Variants in DPEP1 observed in about 807,000 individuals in gnomAD.
DPEP1 encodes the protein beta-lactamase.
Under a neutral mutation model 42.3 loss-of-function variants are expected in DPEP1, and 50 were observed. That is an observed-to-expected ratio of 1.18 (90% confidence interval 0.94 to 1.50). DPEP1 has a LOEUF of 1.50. Ranked by LOEUF, DPEP1 falls within the 40% of genes most tolerant of loss-of-function variation. DPEP1 has a pLI of 0.00. For synonymous variants in DPEP1, 297 were observed against 234.0 expected, an observed-to-expected ratio of 1.27 and a Z score of -2.46; for missense variants, 663 against 553.0, an observed-to-expected ratio of 1.20 and a Z score of -1.99.
chr16:89,616,189 G>A (rs2059377932), intron 1 of DPEP1, among the ~76,000 whole-genome samples: 1 of 152,084 alleles, frequency 6.6e-6, no homozygotes, highest in African/African-American at 2.4e-5. Flanking sequence ...GGTGGGTGGG[G>A]GAGTCAGTGC....
Position 89,636,868 on chromosome 16 carries a change from C to T in DPEP1, c.524C>T (p.Ala175Val). ...GCACCTGCCTTTTGCTTCTCCAGGG[C>T]TGACAACTGGCTGGTGGACACGGGA... is the stretch of plus-strand genomic sequence containing the variant. The part of the protein sequence containing the change: ...TLTHSCNTPW[A>V]DNWLVDTGDS... Residue 175 changes from alanine (A) to valine (V), a missense_variant and splice_region_variant, in exon 6 of 11, where the codon GCT (alanine) becomes GTT (valine). Transcript: ENST00000690203. The T allele has an allele frequency of 6.2e-7, 1 of 1,612,554 alleles. No individual in the cohort carries two copies. Among genetic ancestry groups the T allele is most frequent in the Non-Finnish European group, 8.5e-7 (1 of 1,179,920 alleles).
chr16:89,638,499 T>C, downstream of DPEP1: 3 of 1,261,578 alleles, frequency 2.4e-6, no homozygotes, highest in Non-Finnish European at 3.0e-6. Context: ...TGGCTCCTGG[T>C]TGGACGTGGG....
chr16:89,628,595 C>G (rs1216732246), intron 1 of DPEP1, among the ~76,000 whole-genome samples: 1 of 151,898 alleles, frequency 6.6e-6, no homozygotes, highest in African/African-American at 2.4e-5. Context: ...TGAAAATGGA[C>G]AAATACAGTG....
chr16:89,626,300 G>C (rs529027627), intron 1 of DPEP1, among the ~76,000 whole-genome samples: 1 of 152,154 alleles, frequency 6.6e-6, no homozygotes, highest in African/African-American at 2.4e-5. Context: ...CCATGTTCTC[G>C]TGGTAGCGAG....
chr16:89,624,099 C>A (rs1336370180), intron 1 of DPEP1, among the ~76,000 whole-genome samples: 1 of 152,052 alleles, frequency 6.6e-6, no homozygotes, highest in Admixed American at 6.6e-5. Flanking sequence ...AGAATAAAGA[C>A]AGACAGGAGG....
Position 89,636,538 on chromosome 16 carries a change from C to T in DPEP1, c.376C>T (p.Arg126Trp), listed in dbSNP as rs139374129. 102 of 1,612,102 alleles carry T rather than the reference C, an allele frequency of 6.3e-5. No homozygotes were observed. The highest frequency in any genetic ancestry group is 1.2e-4 in the Admixed American group (7 of 60,002). The change falls in exon 5 of 11, where the codon CGG becomes TGG. Residue 126 changes from arginine (R) to tryptophan (W), a missense_variant. Arg to Trp is a moderately radical substitution (Grantham distance 101, BLOSUM62 -3). Transcript: ENST00000690203. ...FLYVTSSAGI[R>W]QAFREGKVAS... is the part of the protein sequence containing the mutation. The stretch of plus-strand genomic sequence containing the variant: ...CACCCTGACTCTCCCCGCAGGCATT[C>T]GGCAGGCCTTCCGGGAAGGGAAGGT...
chr16:89,622,588 A>G (rs549785982), intron 1 of DPEP1, among the ~76,000 whole-genome samples: 3 of 152,260 alleles, frequency 2.0e-5, no homozygotes, highest in African/African-American at 7.2e-5. Flanking sequence ...GTTCAAGACC[A>G]TCCTGGCCAA....
chr16:89,618,814 C>A (rs2059407496), intron 1 of DPEP1, among the ~76,000 whole-genome samples: 1 of 151,974 alleles, frequency 6.6e-6, no homozygotes, highest in South Asian at 2.1e-4. Flanking sequence ...TTTATTTTCA[C>A]CAGAACGGTA....
chr16:89,624,021 C>G (rs537774736), intron 1 of DPEP1, among the ~76,000 whole-genome samples: 1 of 152,120 alleles, frequency 6.6e-6, no homozygotes, highest in Non-Finnish European at 1.5e-5. Flanking sequence ...GACTGTGGTG[C>G]GGTCACCTCC....
Position 89,637,452 on chromosome 16 carries a change from C to G in DPEP1, c.769-16C>G. The G allele has an allele frequency of 6.2e-7, 1 of 1,612,858 alleles. No homozygotes were observed. The highest frequency in any genetic ancestry group is 1.3e-5 in the African/African-American group (1 of 75,076). On this transcript the variant is annotated splice_polypyrimidine_tract_variant and intron_variant, in intron 7 of 10. Transcript: ENST00000690203. ...CTCCCAGCTCTCAGCTTCACCCTGT[C>G]TTCCTTCTTGTGCAGAAACAGACAG... is the stretch of plus-strand genomic sequence containing the variant.
chr16:89,636,360 T>A lies in DPEP1; in HGVS notation c.334T>A (p.Tyr112Asn), dbSNP rs146843391. 103 of 1,612,626 alleles carry A rather than the reference T, an allele frequency of 6.4e-5. No individual in the cohort carries two copies. In the African/African-American group the frequency reaches 1.1e-3, roughly 17 times the overall value. ...MDVVHRMCRM[Y>N]PETFLYVTSS... The stretch of plus-strand genomic sequence containing the variant: ...CGTGGTCCACCGCATGTGCCGGATG[T>A]ACCCGGAGACCTTCCTGTATGTCAC... The change falls in exon 4 of 11, where the codon TAC becomes AAC. Residue 112 changes from tyrosine to asparagine, a missense_variant. Transcript: ENST00000690203.
Position 89,630,359 on chromosome 16 carries a change from CAGCACAGAGGCACCAG to C in DPEP1, c.-51_-36del, listed in dbSNP as rs2059568004. 6 of 1,504,430 alleles carry C rather than the reference CAGCACAGAGGCACCAG, an allele frequency of 4.0e-6. No homozygotes were observed. The highest frequency in any genetic ancestry group is 3.7e-6 in the Non-Finnish European group (4 of 1,089,888). 93.2% of individuals were successfully genotyped at this position (1,504,430 alleles called of 1,614,324 possible). On this transcript the variant is annotated 5_prime_UTR_variant, in exon 2 of 11. Coordinates refer to ENST00000690203, the MANE Select transcript of DPEP1 (RefSeq NM_001389466.1). The stretch of plus-strand genomic sequence containing the variant: ...ATCCTTCTGCACGGGCCAGCCAGGC[CAGCACAGAGGCACCAG>C]GGCAGCAGTGCACACAGGTCCCCGG...
chr16:89,617,139 GA>G (rs2059386518), intron 1 of DPEP1, among the ~76,000 whole-genome samples: 1 of 152,140 alleles, frequency 6.6e-6, no homozygotes, highest in African/African-American at 2.4e-5. Context: ...CAGGGTTGGG[GA>G]CAATTCTCTC....
At position 89,636,598 on chromosome 16, in the gene DPEP1, A is replaced by T. The variant is rs200211325; in HGVS notation, c.436A>T (p.Ile146Phe). The T allele has an allele frequency of 7.4e-6, 12 of 1,612,592 alleles. No individual in the cohort carries two copies. In the African/African-American group the frequency reaches 1.6e-4, roughly 21 times the overall value. ...GATCGGCGTGGAGGGCGGCCACTCC[A>T]TTGACAGCAGTTTGGGCGTCCTGCG... Reference protein sequence around the residue: ...SLIGVEGGHSIDSSLGVLRAL... With the variant: ...SLIGVEGGHSFDSSLGVLRAL... Residue 146 changes from isoleucine (I) to phenylalanine (F), a missense_variant, in exon 5 of 11, where the codon ATT (isoleucine) becomes TTT (phenylalanine). By Grantham distance (21) the Ile-to-Phe change is conservative (BLOSUM62 0). Coordinates refer to ENST00000690203, the MANE Select transcript of DPEP1 (RefSeq NM_001389466.1).
At position 89,630,322 on chromosome 16, in the gene DPEP1, AGCCTGAAGCTCATCCTTCTGCACG is replaced by A; in HGVS notation, c.-87_-64del. 9.4e-7 allele frequency: 1 copy of A among 1,066,928 alleles called. No individual in the cohort carries two copies. Among genetic ancestry groups the A allele is most frequent in the Non-Finnish European group, 1.4e-6 (1 of 721,740 alleles). 66.1% of individuals were successfully genotyped at this position (1,066,928 alleles called of 1,614,324 possible). ...CCTGGCAGGCAGAGTGGCTCCTCAC[AGCCTGAAGCTCATCCTTCTGCACG>A]GGCCAGCCAGGCCAGCACAGAGGCA... On this transcript the variant is annotated 5_prime_UTR_variant, in exon 2 of 11. Transcript: ENST00000690203.
chr16:89,631,552 C>G (rs1044309229), intron 2 of DPEP1, among the ~76,000 whole-genome samples: 3 of 152,166 alleles, frequency 2.0e-5, no homozygotes, highest in Non-Finnish European at 4.4e-5. Flanking sequence ...GATGTCTTGT[C>G]GCATAAGAAC....
At chr16:89,633,960 G>C (rs543982424) in intron 2 of DPEP1, among the ~76,000 whole-genome samples, 4 of 152,286 alleles carry the variant, frequency 2.6e-5, no homozygotes, top group Non-Finnish European at 5.9e-5. Context: ...ATTCCCCAGG[G>C]TCGGGGGTCA....
intron 1 of DPEP1, among the ~76,000 whole-genome samples, chr16:89,618,940 G>GCC (rs1322049726): frequency 5.2e-5 from 2 of 38,380 alleles, no homozygotes; most frequent in South Asian, 7.2e-4. Context: ...GCAGCTCCCT[G>GCC]CCCCCCTGCT....
intron 2 of DPEP1, among the ~76,000 whole-genome samples, chr16:89,632,215 A>C (rs1011107859): frequency 6.6e-6 from 1 of 151,952 alleles, no homozygotes; most frequent in African/African-American, 2.4e-5. Flanking sequence ...AAGCCCGGCT[A>C]ATTTTTTTGG....
Sources: allele counts gnomAD v4.1 joint callset (sites outside exome capture counted in the v4.1 genomes callset), GRCh38; gene constraint gnomAD v4.1.1; transcripts MANE v1.5; gene names NCBI Gene and HGNC (gene_info 2026-07-23, HGNC 2026-07-21).